ZNF574: variants seen among roughly 807,000 people sequenced by gnomAD.
ZNF574 encodes zinc finger protein 574.
Under a neutral mutation model 56.6 loss-of-function variants are expected in ZNF574, and 25 were observed. That is an observed-to-expected ratio of 0.44 (90% CI 0.32 to 0.62). The LOEUF is 0.62. ZNF574 is among the 20% of genes least tolerant of loss of function. ZNF574 has a pLI of 0.04. For synonymous variants in ZNF574, 543 were observed against 492.1 expected (o/e 1.10, Z -1.37); for missense variants, 1,065 against 1,218.9 (o/e 0.87, Z 1.88).
chr19:42,079,471 C>T lies in ZNF574; in HGVS notation c.865C>T (p.Arg289Trp), dbSNP rs775541036. ...RNGEAIGRDR[R>W]GRRARRNNSG... ...TGGTGAAGCCATTGGGCGGGATCGC[C>T]GGGGGCGCAGGGCCCGGAGGAACAA... Residue 289 changes from arginine (R) to tryptophan (W), a missense_variant, in exon 2 of 2, where the codon CGG (arginine) becomes TGG (tryptophan). Arg to Trp is a moderately radical substitution (Grantham distance 101). Transcript: ENST00000359044. This position sits in a 1 kb window ranked among gnomAD's most constrained non-coding sequence, Gnocchi z 4.3. The T allele has an allele frequency of 5.6e-6, 9 of 1,613,626 alleles. No individual in the cohort carries two copies. Among genetic ancestry groups the T allele is most frequent in the South Asian group, 2.2e-5 (2 of 91,076 alleles).
chr19:42,077,889 G>A (rs1472883686), intron 1 of ZNF574, among the ~76,000 whole-genome samples: 1 of 152,142 alleles, frequency 6.6e-6, no homozygotes. Flanking sequence ...AAGTCTGGGT[G>A]TGGAGATGGG....
rs763545555 is a variant in ZNF574, at chr19:42,078,590, A to G, written c.-17A>G. ...TCCCCACTGTCTCCTCTTCCAGCCC[A>G]GGGCCTTGCTGCCGCCATGACTGAG... is the stretch of plus-strand genomic sequence containing the variant. On this transcript the variant is annotated 5_prime_UTR_variant, in exon 2 of 2. Coordinates refer to ENST00000359044, the MANE Select transcript of ZNF574 (RefSeq NM_022752.6). The G allele has an allele frequency of 6.2e-7, 1 of 1,602,680 alleles. No homozygotes were observed. The highest frequency in any genetic ancestry group is 8.5e-7 in the Non-Finnish European group (1 of 1,172,068).
At chr19:42,076,854 G>C (rs1393845846) in intron 1 of ZNF574, among the ~76,000 whole-genome samples, 1 of 152,100 alleles carries the variant, frequency 6.6e-6, no homozygotes, top group East Asian at 1.9e-4. Context: ...GTAATGGATG[G>C]GGTTAAATTA....
At chr19:42,072,046 A>G (rs2076428006), upstream of ZNF574, among the ~76,000 whole-genome samples, 1 of 151,274 alleles carries the variant, frequency 6.6e-6, no homozygotes, top group South Asian at 2.1e-4. Context: ...CATCCCCTCT[A>G]AATTCAACCT....
chr19:42,076,666 G>A (rs1027781828), intron 1 of ZNF574, among the ~76,000 whole-genome samples: 4 of 152,224 alleles, frequency 2.6e-5, no homozygotes, highest in African/African-American at 9.6e-5. Context: ...CCGGTTAGAC[G>A]GCACGTGGGT....
In ZNF574 at chr19:42,079,059, C is replaced by G; in HGVS notation, c.453C>G (p.Ala151=). Reference sequence around the variant, plus strand: ...ACCACCGGCAGACGCACCTCCGGGCCACACCCACCAAGGCTCCTGCCCCTG... The same window carrying G: ...ACCACCGGCAGACGCACCTCCGGGCGACACCCACCAAGGCTCCTGCCCCTG... The part of the protein sequence containing the change: ...WLNHRQTHLR[A]TPTKAPAPVV... Residue 151 remains alanine (A), a synonymous_variant, in exon 2 of 2, where the codon GCC becomes GCG. Coordinates refer to ENST00000359044, the MANE Select transcript of ZNF574 (RefSeq NM_022752.6). The surrounding 1 kb of genome is among the most constrained non-coding windows in gnomAD (Gnocchi z 4.3). 6.2e-7 allele frequency: 1 copy of G among 1,614,186 alleles called. No homozygotes were observed. Among genetic ancestry groups the G allele is most frequent in the Non-Finnish European group, 8.5e-7 (1 of 1,180,020 alleles).
chr19:42,080,488 G>A lies in ZNF574; in HGVS notation c.1882G>A (p.Val628Met), dbSNP rs1343431300. The A allele has an allele frequency of 1.2e-5, 20 of 1,613,800 alleles. No homozygotes were observed. Among genetic ancestry groups the A allele is most frequent in the South Asian group, 3.3e-5 (3 of 91,082 alleles). ...TCGGCTGCTGGAGGTGCACCAGCTC[G>A]TGGTCCATGCCGGGCGCCAGCCCCA... is the stretch of plus-strand genomic sequence containing the variant. The part of the protein sequence containing the change: ...LRRLLEVHQL[V>M]VHAGRQPHRC... Residue 628 changes from valine (V) to methionine (M), a missense_variant, in exon 2 of 2, where the codon GTG becomes ATG. Coordinates refer to ENST00000359044, the MANE Select transcript of ZNF574 (RefSeq NM_022752.6). This position sits in a 1 kb window ranked among gnomAD's most constrained non-coding sequence, Gnocchi z 8.5.
chr19:42,079,743 C>T lies in ZNF574; in HGVS notation c.1137C>T (p.Leu379=). 1 of 1,614,226 alleles carries T rather than the reference C, an allele frequency of 6.2e-7. No individual in the cohort carries two copies. The highest frequency in any genetic ancestry group is 1.6e-4 in the Middle Eastern group (1 of 6,062). ...TGGCCTTCGGCACAGAGGCCCTCCTCCTGGCCCACCGGCGAGCCCACACCC... is the reference window on the plus strand; with the variant it reads ...TGGCCTTCGGCACAGAGGCCCTCCTTCTGGCCCACCGGCGAGCCCACACCC... ...CGLAFGTEAL[L]LAHRRAHTPN... The change falls in exon 2 of 2, where the codon CTC becomes CTT. Residue 379 remains leucine (L), a synonymous_variant. Coordinates refer to ENST00000359044, the MANE Select transcript of ZNF574 (RefSeq NM_022752.6). The surrounding 1 kb of genome is among the most constrained non-coding windows in gnomAD (Gnocchi z 4.3).
upstream of ZNF574, among the ~76,000 whole-genome samples, chr19:42,072,636 G>A (rs1333100804): frequency 6.6e-6 from 1 of 150,382 alleles, no homozygotes; most frequent in Non-Finnish European, 1.5e-5. Flanking sequence ...GCGCCATCTT[G>A]GCTCACTGCA....
chr19:42,076,011 C>T (rs367550556), upstream of ZNF574, among the ~76,000 whole-genome samples: 3 of 152,252 alleles, frequency 2.0e-5, no homozygotes, highest in South Asian at 4.1e-4. Flanking sequence ...TGCGGGGAAT[C>T]TCGACGCTCC....
upstream of ZNF574, chr19:42,075,137 C>G (rs527780512): frequency 3.9e-5 from 6 of 152,266 alleles, no homozygotes; most frequent in African/African-American, 1.4e-4. Context: ...CCCGCCTCAG[C>G]GTCCCAAAAT....
At chr19:42,077,182 G>A (rs1411506710) in intron 1 of ZNF574, among the ~76,000 whole-genome samples, 1 of 152,098 alleles carries the variant, frequency 6.6e-6, no homozygotes, top group Non-Finnish European at 1.5e-5. Context: ...TAGGAGGCTG[G>A]TGAGAGGGGC....
chr19:42,080,997 A>G lies in ZNF574; in HGVS notation c.2391A>G (p.Glu797=). ...LHTGERPFAC[E]VCGKAFAISM... ...CAGGTGAGCGGCCCTTTGCCTGTGA[A>G]GTGTGTGGCAAGGCCTTTGCCATCT... Residue 797 remains glutamate, a synonymous_variant, in exon 2 of 2, where the codon GAA becomes GAG. Transcript: ENST00000359044. The surrounding 1 kb of genome is among the most constrained non-coding windows in gnomAD (Gnocchi z 8.5). The G allele has an allele frequency of 6.2e-7, 1 of 1,614,116 alleles. No individual in the cohort carries two copies. Among genetic ancestry groups the G allele is most frequent in the Non-Finnish European group, 8.5e-7 (1 of 1,180,006 alleles).
chr19:42,076,346 C>G (rs1347486634), intron 1 of ZNF574, 60 bp downstream of exon 1: 1 of 152,006 alleles, frequency 6.6e-6, no homozygotes, highest in Admixed American at 6.5e-5. Flanking sequence ...CCGCGGCCTC[C>G]TCTTGCCAGG....
At chr19:42,071,704 C>T (rs2076424762), upstream of ZNF574, among the ~76,000 whole-genome samples, 1 of 152,148 alleles carries the variant, frequency 6.6e-6, no homozygotes, top group Non-Finnish European at 1.5e-5. Context: ...AGGACCTCAA[C>T]ACAGAACACC....
In ZNF574 at chr19:42,080,097, C is replaced by G; in HGVS notation, c.1491C>G (p.Cys497Trp). 1 of 1,614,130 alleles carries G rather than the reference C, an allele frequency of 6.2e-7. No homozygotes were observed. The highest frequency in any genetic ancestry group is 8.5e-7 in the Non-Finnish European group (1 of 1,180,038). ...ATCGGCTGGAGCGGCGCCATAAATG[C>G]AGCATTTGTGGCAAGATGTTCAAGA... ...FVHRLERRHK[C>W]SICGKMFKKK... Residue 497 changes from cysteine (C) to tryptophan (W), a missense_variant, in exon 2 of 2, where the codon TGC becomes TGG. Transcript: ENST00000359044. This position sits in a 1 kb window ranked among gnomAD's most constrained non-coding sequence, Gnocchi z 8.5.
rs376314412 is a variant in ZNF574 at position 42,068,995 on chromosome 19, C to T, written c.250+34C>T. 1.3e-4 allele frequency: 69 copies of T among 532,132 alleles called. No individual in the cohort carries two copies. In the South Asian group the frequency reaches 1.6e-3, roughly 12 times the overall value. The allele number at this position is 532,132 out of a possible 1,614,324, so 33.0% of individuals were successfully genotyped here. ...GAGCCCAAGTAAGAGCAATCAGCCCCGTAGGACCCCAGAAAGCTAGAGGGC... is the reference window on the plus strand; with the variant it reads ...GAGCCCAAGTAAGAGCAATCAGCCCTGTAGGACCCCAGAAAGCTAGAGGGC... On this transcript the variant is annotated intron_variant, in intron 1 of 1. Transcript: ENST00000222339.
rs2146200375 is a variant in ZNF574 at position 42,069,058 on chromosome 19, T to C, written c.250+97T>C. 3 of 460,306 alleles carry C rather than the reference T, an allele frequency of 6.5e-6. No individual in the cohort carries two copies. In the South Asian group the frequency reaches 1.2e-4, roughly 18 times the overall value. The allele number at this position is 460,306 out of a possible 1,614,324, so 28.5% of individuals were successfully genotyped here. ...TGAGCTATGTACCCAGAAGAAGAGG[T>C]GAGAAGAGGTCGAGGTGAATGGACG... On this transcript the variant is annotated intron_variant, in intron 1 of 1. Transcript: ENST00000222339.
Position 42,081,543 on chromosome 19 carries a change from G to A in ZNF574, c.*246G>A, listed in dbSNP as rs2076502628. Reference sequence around the variant, plus strand: ...AAATGAAACCATCAATAAAGACTGAGTTGCCAGCAGTGTGTAGAGTGGAAT... The same window carrying A: ...AAATGAAACCATCAATAAAGACTGAATTGCCAGCAGTGTGTAGAGTGGAAT... On this transcript the variant is annotated 3_prime_UTR_variant, in exon 2 of 2. Transcript: ENST00000359044. 1.7e-6 allele frequency: 1 copy of A among 581,262 alleles called. No individual in the cohort carries two copies. The highest frequency in any genetic ancestry group is 3.2e-6 in the Non-Finnish European group (1 of 315,692). 36.0% of individuals were successfully genotyped at this position (581,262 alleles called of 1,614,324 possible). A position where few individuals can be genotyped will look rare whatever the true frequency, so the allele number is the denominator to read the frequency against.
Sources: gnomAD v4.1 joint callset for allele counts (sites outside exome capture counted in the v4.1 genomes callset) on GRCh38, gnomAD v4.1.1 for gene constraint, Gnocchi (gnomAD v3.1) non-coding constraint, MANE v1.5 for transcripts, NCBI Gene and HGNC (gene_info 2026-07-23, HGNC 2026-07-21) for gene names.